GBF1: variants seen among roughly 807,000 people sequenced by gnomAD.
GBF1 encodes Golgi-specific brefeldin A-resistance guanine nucleotide exchange factor 1.
In GBF1, 114 loss-of-function variants were observed where a neutral mutation model predicts 210.5. The observed-to-expected ratio is 0.54, with a 90% CI of 0.47 to 0.63. The LOEUF is 0.63. GBF1 is among the 30% of genes least tolerant of loss of function. The pLI is 0.00. For synonymous variants in GBF1, 850 were observed against 889.2 expected (o/e 0.96, Z 0.78); for missense variants, 1,851 against 2,357.7 (o/e 0.79, Z 4.45).
intron 3 of GBF1, among the ~76,000 whole-genome samples, chr10:102,307,120 T>G (rs1172277507): frequency 6.6e-6 from 1 of 152,210 alleles, no homozygotes; most frequent in East Asian, 1.9e-4. Flanking sequence ...TAATCAGGCC[T>G]TGTGCTGTAG....
intron 33 of GBF1, 108 bp from the exon 34 acceptor site, chr10:102,379,176 G>A (rs2135363708): frequency 1.0e-6 from 1 of 987,864 alleles, no homozygotes; most frequent in East Asian, 2.5e-5. Flanking sequence ...TGGCATGATT[G>A]GTGCTAGGGA....
intron 33 of GBF1, among the ~76,000 whole-genome samples, chr10:102,378,153 G>T (rs1376532215): frequency 6.6e-6 from 1 of 151,222 alleles, no homozygotes; most frequent in African/African-American, 2.4e-5. Context: ...GGGAGGCAGA[G>T]CTTGCAGTGA....
rs1488354150 is a variant in GBF1, at chr10:102,288,743, A to AC, written c.163+28627_163+28628insC. On this transcript the variant is annotated intron_variant, in intron 3 of 39. Transcript: ENST00000369983. ...AAAGGAAAAAAAAAAAAACAAAAAA[A>AC]AAAAACGAAATTACTTGTCACTAGA... 5.3e-5 allele frequency among the ~76,000 whole-genome samples: 8 copies of AC among 151,430 alleles called. No individual in the cohort carries two copies. In the East Asian group the frequency reaches 5.9e-4, roughly 11 times the overall value.
At position 102,304,852 on chromosome 10, in the gene GBF1, A is replaced by G. The variant is rs1031813039; in HGVS notation, c.164-39199A>G. On this transcript the variant is annotated intron_variant, in intron 3 of 39. Coordinates refer to ENST00000369983, the MANE Select transcript of GBF1 (RefSeq NM_001377137.1). ...CTTATGTAGTAGTAAGTAAATTTTT[A>G]AAATTTTATACAAGCCGGGTGTGGT... Among the ~76,000 whole-genome samples the G allele has an allele frequency of 2.0e-5, 3 of 152,054 alleles. No individual in the cohort carries two copies. In the South Asian group the frequency reaches 6.2e-4, roughly 32 times the overall value.
chr10:102,359,723 T>G (rs1375669530), intron 11 of GBF1, among the ~76,000 whole-genome samples: 2 of 148,220 alleles, frequency 1.3e-5, no homozygotes, highest in Non-Finnish European at 3.0e-5. Flanking sequence ...TCTGATTTCC[T>G]CCAGAAGTAG....
chr10:102,232,896 A>C, the GBF1 span, among the ~76,000 whole-genome samples: 2 of 152,124 alleles, frequency 1.3e-5, no homozygotes, highest in African/African-American at 2.4e-5. Context: ...TTTCTCCCTT[A>C]AGAATAATGT....
chr10:102,301,269 C>T (rs772015), intron 3 of GBF1, among the ~76,000 whole-genome samples: 49,592 of 151,960 alleles, frequency 0.33, 8,747 homozygotes, highest in South Asian at 0.48. Flanking sequence ...GTGGACACAG[C>T]ACATGTTTCA....
chr10:102,262,810 C>T (rs1228095623), intron 3 of GBF1, among the ~76,000 whole-genome samples: 1 of 152,234 alleles, frequency 6.6e-6, no homozygotes, highest in Non-Finnish European at 1.5e-5. Flanking sequence ...CGCCTGATTT[C>T]CTTACGTCCT....
upstream of GBF1, among the ~76,000 whole-genome samples, chr10:102,240,547 AG>A (rs1564994661): frequency 6.6e-6 from 1 of 152,232 alleles, no homozygotes; most frequent in Admixed American, 6.5e-5. Flanking sequence ...GCTGCTGGGT[AG>A]ACGGACATGC....
chr10:102,358,204 C>T lies in GBF1; in HGVS notation c.787+18C>T. 2 of 1,606,268 alleles carry T rather than the reference C, an allele frequency of 1.2e-6. No individual in the cohort carries two copies. Among genetic ancestry groups the T allele is most frequent in the Non-Finnish European group, 1.7e-6 (2 of 1,174,194 alleles). On this transcript the variant is annotated intron_variant, in intron 9 of 39. Coordinates refer to ENST00000369983, the MANE Select transcript of GBF1 (RefSeq NM_001377137.1). ...CCTCACTGGTGAGTGCCCTGGACTACTTCCTCTGATTAGACAAAAGAAGAG... is the reference window on the plus strand; with the variant it reads ...CCTCACTGGTGAGTGCCCTGGACTATTTCCTCTGATTAGACAAAAGAAGAG...
intron 3 of GBF1, among the ~76,000 whole-genome samples, chr10:102,336,208 G>A (rs1346924184): frequency 2.0e-5 from 3 of 151,430 alleles, no homozygotes; most frequent in Non-Finnish European, 4.4e-5. Context: ...GGCTGAGCCA[G>A]GAGAATTACT....
chr10:102,323,917 C>T lies in GBF1; in HGVS notation c.164-20134C>T, dbSNP rs549362189. On this transcript the variant is annotated intron_variant, in intron 3 of 39. Coordinates refer to ENST00000369983, the MANE Select transcript of GBF1 (RefSeq NM_001377137.1). ...ACAAAGAGACAGGTGTAAATTGGCCCTGTTCTTCTGAACCCTGCCTGCCTA... is the reference window on the plus strand; with the variant it reads ...ACAAAGAGACAGGTGTAAATTGGCCTTGTTCTTCTGAACCCTGCCTGCCTA... Among the ~76,000 whole-genome samples the T allele has an allele frequency of 1.4e-4, 21 of 152,230 alleles. No homozygotes were observed. The East Asian group carries it at 3.9e-3, about 28-fold the overall frequency.
intron 3 of GBF1, among the ~76,000 whole-genome samples, chr10:102,338,923 A>G (rs138228603): frequency 1.2e-3 from 183 of 152,280 alleles, no homozygotes; most frequent in African/African-American, 3.8e-3. Context: ...TGTCTCCCCA[A>G]ATTGATCTAT....
chr10:102,362,369 C>T (rs1395855884), intron 14 of GBF1, 106 bp from the exon 15 acceptor site: 3 of 830,600 alleles, frequency 3.6e-6, no homozygotes, highest in African/African-American at 1.7e-5. Flanking sequence ...AAGACGTTTT[C>T]TAAGGGCAAT....
rs1175920937 is a variant in GBF1, at chr10:102,362,622, C to T, written c.1834C>T (p.Pro612Ser). 2 of 1,614,034 alleles carry T rather than the reference C, an allele frequency of 1.2e-6. No individual in the cohort carries two copies. Among genetic ancestry groups the T allele is most frequent in the African/African-American group, 2.7e-5 (2 of 74,914 alleles). ...TQQEKKETAR[P>S]SCEIVDGTRE... ...GCAAGAGAAGAAGGAGACAGCCAGA[C>T]CAAGCTGTGAGATAGTAGATGGCAC... is the stretch of plus-strand genomic sequence containing the variant. The change falls in exon 15 of 40, where the codon CCA (proline) becomes TCA (serine). Residue 612 changes from proline to serine, a missense_variant. Pro to Ser is a moderately conservative substitution (Grantham distance 74, BLOSUM62 -1). Around this residue, in one of 3 missense-constraint regions of GBF1, gnomAD observed 804 missense variants for 958.6 expected, o/e 0.84. Coordinates refer to ENST00000369983, the MANE Select transcript of GBF1 (RefSeq NM_001377137.1).
intron 20 of GBF1, 103 bp downstream of exon 20, chr10:102,367,313 C>A: frequency 7.4e-7 from 1 of 1,354,336 alleles, no homozygotes; most frequent in Non-Finnish European, 1.0e-6. Flanking sequence ...GGGTTCTGTC[C>A]AAGGGAATCA....
chr10:102,302,301 AATC>A (rs1460663594), intron 3 of GBF1, among the ~76,000 whole-genome samples: 1 of 152,196 alleles, frequency 6.6e-6, no homozygotes, highest in Non-Finnish European at 1.5e-5. Flanking sequence ...TATTTTCAAA[AATC>A]ATCATATAGT....
chr10:102,231,534 A>G, the GBF1 span: 1 of 1,230,054 alleles, frequency 8.1e-7, no homozygotes, highest in Non-Finnish European at 1.2e-6. Context: ...TCCGGGTCGC[A>G]GGCTGAGCGC....
At chr10:102,292,577 C>A (rs1028146459) in intron 3 of GBF1, among the ~76,000 whole-genome samples, 1 of 152,124 alleles carries the variant, frequency 6.6e-6, no homozygotes, top group Non-Finnish European at 1.5e-5. Context: ...CAGTTCTGCC[C>A]AGGCTGGCCT....
Sources: gnomAD v4.1 joint callset for allele counts (sites outside exome capture counted in the v4.1 genomes callset) on GRCh38, gnomAD v4.1.1 for gene constraint, gnomAD v4.1.1 regional missense constraint, MANE v1.5 for transcripts, NCBI Gene and HGNC (gene_info 2026-07-23, HGNC 2026-07-21) for gene names.